PRKAG2: variants seen among roughly 807,000 people sequenced by gnomAD.
The protein encoded by PRKAG2 is protein kinase AMP-activated non-catalytic subunit gamma 2, also known as 5'-AMP-activated protein kinase subunit gamma-2.
A neutral mutation model predicts 69.6 loss-of-function variants in PRKAG2; 26 were observed. The ratio of observed to expected loss-of-function variants is 0.37; its 90% CI spans 0.27 to 0.52. The LOEUF (loss-of-function observed/expected upper bound fraction) is 0.52, where lower values mean the gene tolerates loss of function less well. Ranked by LOEUF, PRKAG2 falls within the 20% of genes least tolerant of loss-of-function variation. The pLI, the probability that PRKAG2 is intolerant of heterozygous loss-of-function variation, is 0.90. For synonymous variants in PRKAG2, 293 were observed against 285.0 expected, an observed-to-expected ratio of 1.03 and a Z score of -0.28; for missense variants, 557 against 740.0, an observed-to-expected ratio of 0.75 and a Z score of 2.87.
At chr7:151,680,724 C>T (rs1415991928) in intron 3 of PRKAG2, among the ~76,000 whole-genome samples, 1 of 152,246 alleles carries the variant, frequency 6.6e-6, no homozygotes, top group Non-Finnish European at 1.5e-5. Context: ...TATTTAAGCA[C>T]TGACCTGCTT....
At chr7:151,715,057 C>A (rs762092189) in intron 3 of PRKAG2, among the ~76,000 whole-genome samples, 122 of 148,754 alleles carry the variant, frequency 8.2e-4, no homozygotes, top group Non-Finnish European at 1.6e-3. Context: ...CTCTTGTTGC[C>A]CAGGCTGGAG....
At chr7:151,633,467 C>A (rs1234058752) in intron 4 of PRKAG2, among the ~76,000 whole-genome samples, 1 of 151,758 alleles carries the variant, frequency 6.6e-6, no homozygotes, top group Non-Finnish European at 1.5e-5. Flanking sequence ...AAGAAAAACA[C>A]CTGTGTAGAT....
At chr7:151,736,223 G>A in intron 3 of PRKAG2, 1 of 1,389,388 alleles carries the variant, frequency 7.2e-7, no homozygotes, top group Non-Finnish European at 9.3e-7. Context: ...AGGCGCCAGG[G>A]AGTGGAGCCG....
intron 3 of PRKAG2, among the ~76,000 whole-genome samples, chr7:151,773,382 G>A (rs2076184550): frequency 6.6e-6 from 1 of 152,168 alleles, no homozygotes; most frequent in Admixed American, 6.5e-5. Context: ...CATTAAAGCA[G>A]AGTCTCAGCA....
Position 151,781,552 on chromosome 7 carries a change from A to G in PRKAG2, c.187-121T>C, listed in dbSNP as rs1046339055. Reference sequence around the variant, plus strand: ...CGGGCCCCCCATAGTACCCTCCCAGAGAAACAGCCCTAAGCTCTTCCACAG... The same window carrying G: ...CGGGCCCCCCATAGTACCCTCCCAGGGAAACAGCCCTAAGCTCTTCCACAG... On this transcript the variant is annotated intron_variant, in intron 2 of 15. Transcript: ENST00000287878. This position sits in a 1 kb window ranked among gnomAD's most constrained non-coding sequence, Gnocchi z 6.1. 3.2e-6 allele frequency: 4 copies of G among 1,248,268 alleles called. No homozygotes were observed. Among genetic ancestry groups the G allele is most frequent in the Non-Finnish European group, 4.5e-6 (4 of 891,632 alleles). The allele number at this position is 1,248,268 out of a possible 1,614,324, so 77.3% of individuals were successfully genotyped here.
chr7:151,829,809 G>T (rs1265229815), intron 1 of PRKAG2, among the ~76,000 whole-genome samples: 1 of 151,936 alleles, frequency 6.6e-6, no homozygotes, highest in Admixed American at 6.6e-5. Flanking sequence ...ACCCTGCAGC[G>T]GGGGAGGGCA....
intron 1 of PRKAG2, among the ~76,000 whole-genome samples, chr7:151,873,224 G>T (rs1055076706): frequency 6.6e-6 from 1 of 152,144 alleles, no homozygotes; most frequent in African/African-American, 2.4e-5. Flanking sequence ...CCTCCCGCCC[G>T]ATTCTGTGGG....
intron 3 of PRKAG2, among the ~76,000 whole-genome samples, chr7:151,753,128 G>C (rs998919388): frequency 6.6e-6 from 1 of 152,226 alleles, no homozygotes; most frequent in Non-Finnish European, 1.5e-5. Flanking sequence ...TGCTCAGGTC[G>C]TGACAGATGA....
chr7:151,585,371 A>G (rs574084337), intron 6 of PRKAG2, among the ~76,000 whole-genome samples: 1 of 152,308 alleles, frequency 6.6e-6, no homozygotes, highest in African/African-American at 2.4e-5. Context: ...GACAAGAGTA[A>G]GGCACAGGAG....
At chr7:151,736,982 C>A (rs1435310705) in intron 3 of PRKAG2, among the ~76,000 whole-genome samples, 1 of 152,128 alleles carries the variant, frequency 6.6e-6, no homozygotes, top group Admixed American at 6.5e-5. Flanking sequence ...TAAGCCAAAC[C>A]GCTGATCAAG....
intron 1 of PRKAG2, among the ~76,000 whole-genome samples, chr7:151,874,165 GTA>G (rs2080300772): frequency 7.6e-6 from 1 of 131,902 alleles, no homozygotes; most frequent in South Asian, 2.4e-4. Flanking sequence ...TGATGTATAT[GTA>G]TATGATGTAT....
intron 5 of PRKAG2, among the ~76,000 whole-genome samples, chr7:151,618,401 C>T (rs1479111782): frequency 2.1e-5 from 3 of 146,110 alleles, no homozygotes; most frequent in African/African-American, 7.6e-5. Flanking sequence ...TGCAGTCAGC[C>T]GAGATCATGC....
intron 4 of PRKAG2, among the ~76,000 whole-genome samples, chr7:151,658,482 CAAAAAA>C (rs11286706): frequency 1.9e-5 from 2 of 105,504 alleles, no homozygotes; most frequent in South Asian, 3.2e-4. Flanking sequence ...AAGATTGTCG[CAAAAAA>C]AAAAAAAAAA....
rs185682773 is a variant in PRKAG2 at position 151,556,477 on chromosome 7, T to C, written c.*724A>G. 16 of 152,842 alleles carry C rather than the reference T, an allele frequency of 1.0e-4. No homozygotes were observed. The highest frequency in any genetic ancestry group is 4.6e-4 in the Admixed American group (7 of 15,300). The allele number at this position is 152,842 out of a possible 1,614,324, so 9.5% of individuals were successfully genotyped here. ...AGCAGCGGCTATTTCAGAAGTCATG[T>C]CCTTTCCAGATCCAAACTTAAATAA... On this transcript the variant is annotated 3_prime_UTR_variant, in exon 16 of 16. Transcript: ENST00000287878.
chr7:151,706,600 G>A (rs1023764553), intron 3 of PRKAG2, among the ~76,000 whole-genome samples: 2 of 152,186 alleles, frequency 1.3e-5, no homozygotes, highest in African/African-American at 4.8e-5. Flanking sequence ...CTTTGAGCAG[G>A]TGTGCACTGG....
chr7:151,580,894 AG>A, intron 6 of PRKAG2, among the ~76,000 whole-genome samples: 1 of 152,346 alleles, frequency 6.6e-6, no homozygotes, highest in East Asian at 1.9e-4. Context: ...TTGATGGCAC[AG>A]CAGGGTGACT....
At chr7:151,582,671 A>T (rs1231370007) in intron 6 of PRKAG2, among the ~76,000 whole-genome samples, 2 of 152,230 alleles carry the variant, frequency 1.3e-5, no homozygotes, top group African/African-American at 2.4e-5. Flanking sequence ...CGTTTTCCAC[A>T]TAAAATGTGT....
At chr7:151,849,928 A>C (rs2079530128) in intron 1 of PRKAG2, among the ~76,000 whole-genome samples, 1 of 152,146 alleles carries the variant, frequency 6.6e-6, no homozygotes, top group African/African-American at 2.4e-5. Context: ...GACATAATTC[A>C]ATCCGTGCCA....
chr7:151,735,431 A>C (rs937465687), intron 3 of PRKAG2, among the ~76,000 whole-genome samples: 1 of 152,140 alleles, frequency 6.6e-6, no homozygotes, highest in Non-Finnish European at 1.5e-5. Context: ...TGGGGCACAA[A>C]TTAGGCAGGT....
Sources: allele counts gnomAD v4.1 joint callset (sites outside exome capture counted in the v4.1 genomes callset), GRCh38; gene constraint gnomAD v4.1.1; non-coding constraint Gnocchi (gnomAD v3.1); transcripts MANE v1.5; gene names NCBI Gene and HGNC (gene_info 2026-07-23, HGNC 2026-07-21).